Variants in CACNG2 observed in about 807,000 individuals in gnomAD.
CACNG2 encodes the protein calcium voltage-gated channel auxiliary subunit gamma 2.
CACNG2 carries 3 observed loss-of-function variants against 25.9 expected under a neutral mutation model. The observed-to-expected ratio is 0.12, with a 90% CI of 0.05 to 0.30. The LOEUF (loss-of-function observed/expected upper bound fraction) is 0.30, where lower values mean the gene tolerates loss of function less well. Ranked by LOEUF, CACNG2 falls within the 10% of genes least tolerant of loss-of-function variation. The pLI, the probability that CACNG2 is intolerant of heterozygous loss-of-function variation, is 1.00. For missense variants in CACNG2, 341 were observed against 432.5 expected, an observed-to-expected ratio of 0.79 and a Z score of 1.88; for synonymous variants, 167 against 173.3, an observed-to-expected ratio of 0.96 and a Z score of 0.29.
At chr22:36,640,698 CTT>C (rs1765467255) in intron 1 of CACNG2, among the ~76,000 whole-genome samples, 1 of 152,178 alleles carries the variant, frequency 6.6e-6, no homozygotes, top group African/African-American at 2.4e-5. Flanking sequence ...CAAAGGGCCT[CTT>C]TGTTTCCGCG....
chr22:36,701,172 G>C (rs765628278), intron 1 of CACNG2, among the ~76,000 whole-genome samples: 10 of 152,056 alleles, frequency 6.6e-5, no homozygotes, highest in Admixed American at 1.3e-4. Context: ...CCCCAGTATT[G>C]GTTCATAACA....
At chr22:36,661,583 G>A (rs530203684) in intron 1 of CACNG2, among the ~76,000 whole-genome samples, 1 of 152,250 alleles carries the variant, frequency 6.6e-6, no homozygotes, top group South Asian at 2.1e-4. Context: ...CTGTTTTGTC[G>A]GAGGCCTCCT....
intron 2 of CACNG2, among the ~76,000 whole-genome samples, chr22:36,571,769 T>G (rs2145910136): frequency 6.7e-6 from 1 of 150,034 alleles, no homozygotes; most frequent in East Asian, 2.0e-4. Flanking sequence ...CCCAGCTACT[T>G]GGGGGGCTGA....
At position 36,650,871 on chromosome 22, in the gene CACNG2, C is replaced by T. The variant is rs530392765; in HGVS notation, c.211+51495G>A. On this transcript the variant is annotated intron_variant, in intron 1 of 3. Coordinates refer to ENST00000300105, the MANE Select transcript of CACNG2 (RefSeq NM_006078.5). ...GCACACTCCTGCCTCGGGGCCTTTG[C>T]GTTAGCTGTTTCCTCTACCTGAGTC... Among the ~76,000 whole-genome samples the T allele has an allele frequency of 1.4e-4, 22 of 152,310 alleles. No homozygotes were observed. The South Asian group carries it at 3.7e-3, about 26-fold the overall frequency.
intron 1 of CACNG2, among the ~76,000 whole-genome samples, chr22:36,615,988 T>A (rs1039356875): frequency 2.0e-5 from 3 of 152,182 alleles, no homozygotes; most frequent in Non-Finnish European, 2.9e-5. Context: ...AGATGGAGTG[T>A]TTATCTCTCC....
intron 1 of CACNG2, among the ~76,000 whole-genome samples, chr22:36,590,176 T>G (rs1019155261): frequency 6.6e-6 from 1 of 152,184 alleles, no homozygotes; most frequent in African/African-American, 2.4e-5. Flanking sequence ...TTGCTCCTTG[T>G]GTGCAAGCCT....
At chr22:36,624,693 C>G (rs1603501948) in intron 1 of CACNG2, among the ~76,000 whole-genome samples, 3 of 152,208 alleles carry the variant, frequency 2.0e-5, no homozygotes, top group Admixed American at 2.0e-4. Context: ...AACCCCAGGG[C>G]CTGGATTCTG....
At chr22:36,677,362 CA>C (rs559343106) in intron 1 of CACNG2, among the ~76,000 whole-genome samples, 15 of 152,140 alleles carry the variant, frequency 9.9e-5, no homozygotes, top group Non-Finnish European at 2.1e-4. Context: ...GGTGTGTGTC[CA>C]TCTCTATTCT....
intron 1 of CACNG2, among the ~76,000 whole-genome samples, chr22:36,620,393 TAG>T (rs1039742826): frequency 6.6e-6 from 1 of 152,246 alleles, no homozygotes; most frequent in African/African-American, 2.4e-5. Flanking sequence ...GTTTGCTGTG[TAG>T]AGAGAAATGT....
intron 1 of CACNG2, among the ~76,000 whole-genome samples, chr22:36,589,150 C>G (rs1490193619): frequency 6.6e-6 from 1 of 151,912 alleles, no homozygotes; most frequent in Non-Finnish European, 1.5e-5. Context: ...ACCAACATGC[C>G]CAGCTAATTT....
At chr22:36,677,217 A>G (rs1211010458) in intron 1 of CACNG2, among the ~76,000 whole-genome samples, 1 of 152,206 alleles carries the variant, frequency 6.6e-6, no homozygotes, top group Non-Finnish European at 1.5e-5. Flanking sequence ...AGGCTTTCAG[A>G]ATCTGCAAGA....
intron 1 of CACNG2, among the ~76,000 whole-genome samples, chr22:36,612,658 C>T (rs549599405): frequency 3.3e-5 from 5 of 152,226 alleles, no homozygotes; most frequent in Non-Finnish European, 7.3e-5. Context: ...GCTGGTCATA[C>T]GCTCCACCAC....
intron 2 of CACNG2, among the ~76,000 whole-genome samples, chr22:36,579,958 T>A (rs1935385508): frequency 6.6e-6 from 1 of 152,250 alleles, no homozygotes; most frequent in African/African-American, 2.4e-5. Context: ...CTCATCGCTA[T>A]GCAATGGGAC....
intron 1 of CACNG2, among the ~76,000 whole-genome samples, chr22:36,599,219 C>A (rs1266718105): frequency 6.6e-6 from 1 of 152,132 alleles, no homozygotes; most frequent in African/African-American, 2.4e-5. Flanking sequence ...TGAATTACAG[C>A]TACACAAGTC....
chr22:36,692,666 C>CCCCA (rs1409460841), intron 1 of CACNG2, among the ~76,000 whole-genome samples: 1 of 152,144 alleles, frequency 6.6e-6, no homozygotes, highest in African/African-American at 2.4e-5. Flanking sequence ...AGAGGCCAGG[C>CCCCA]CCCATCTCTT....
At chr22:36,642,154 G>A (rs190090156) in intron 1 of CACNG2, among the ~76,000 whole-genome samples, 1 of 152,200 alleles carries the variant, frequency 6.6e-6, no homozygotes, top group Admixed American at 6.5e-5. Flanking sequence ...GTCAGCTCGA[G>A]GGGAGGAGGT....
chr22:36,640,216 CGGTT>C (rs1936422281), intron 1 of CACNG2, among the ~76,000 whole-genome samples: 3 of 152,126 alleles, frequency 2.0e-5, no homozygotes, highest in Admixed American at 1.3e-4. Context: ...TTCACAGGGG[CGGTT>C]GTGAGGAATC....
At chr22:36,678,981 C>T (rs983950255) in intron 1 of CACNG2, among the ~76,000 whole-genome samples, 3 of 152,182 alleles carry the variant, frequency 2.0e-5, no homozygotes, top group African/African-American at 4.8e-5. Flanking sequence ...AATCAATGCT[C>T]GCAGCACAGC....
intron 1 of CACNG2, among the ~76,000 whole-genome samples, chr22:36,684,630 A>AAC (rs1428994309): frequency 6.6e-6 from 1 of 151,822 alleles, no homozygotes; most frequent in Non-Finnish European, 1.5e-5. Flanking sequence ...AAAAAAAAAA[A>AAC]ACAAAGTAAA....
Sources: gnomAD v4.1 joint callset for allele counts (sites outside exome capture counted in the v4.1 genomes callset) on GRCh38, gnomAD v4.1.1 for gene constraint, MANE v1.5 for transcripts, NCBI Gene and HGNC (gene_info 2026-07-23, HGNC 2026-07-21) for gene names.